The following UBE3D variants were observed in gnomAD, a reference collection of about 807,000 sequenced individuals.
UBE3D encodes the protein ubiquitin protein ligase E3D, also known as E3 ubiquitin-protein ligase E3D.
UBE3D carries 48 observed loss-of-function variants against 49.6 expected under a neutral mutation model. That is an observed-to-expected ratio of 0.97 (90% CI 0.77 to 1.23). UBE3D has a LOEUF of 1.23. Among genes scored for constraint, UBE3D ranks in the 50% most tolerant of loss-of-function variants. The pLI is 0.00. For synonymous variants in UBE3D, 189 were observed against 174.2 expected, an observed-to-expected ratio of 1.08 and a Z score of -0.67; for missense variants, 452 against 468.4, an observed-to-expected ratio of 0.96 and a Z score of 0.32.
At chr6:83,001,929 C>G (rs1022281353) in intron 8 of UBE3D, among the ~76,000 whole-genome samples, 9 of 150,786 alleles carry the variant, frequency 6.0e-5, no homozygotes, top group African/African-American at 2.0e-4. Flanking sequence ...CACAGTGATT[C>G]TTAATTTTTT....
chr6:82,918,407 G>A (rs757889946), intron 9 of UBE3D, among the ~76,000 whole-genome samples: 2 of 152,000 alleles, frequency 1.3e-5, no homozygotes, highest in Non-Finnish European at 2.9e-5. Flanking sequence ...AAAGGTACAA[G>A]GTTTCTAAAG....
intron 8 of UBE3D, among the ~76,000 whole-genome samples, chr6:82,986,893 T>C (rs1025820436): frequency 1.1e-4 from 17 of 150,538 alleles, no homozygotes; most frequent in Non-Finnish European, 2.1e-4. Context: ...ATTATACATA[T>C]GTATAATAGC....
chr6:83,031,383 G>C (rs959236041), intron 5 of UBE3D, among the ~76,000 whole-genome samples: 1 of 152,176 alleles, frequency 6.6e-6, no homozygotes, highest in Non-Finnish European at 1.5e-5. Context: ...TTTGTAGCTG[G>C]ACGATTAGGT....
At chr6:83,026,936 G>C (rs1350407290) in intron 5 of UBE3D, among the ~76,000 whole-genome samples, 1 of 152,064 alleles carries the variant, frequency 6.6e-6, no homozygotes, top group Non-Finnish European at 1.5e-5. Flanking sequence ...TCCCAAAGCA[G>C]AAGTGACCCT....
chr6:82,939,041 G>A (rs1204445600), intron 9 of UBE3D, among the ~76,000 whole-genome samples: 1 of 151,460 alleles, frequency 6.6e-6, no homozygotes, highest in Non-Finnish European at 1.5e-5. Context: ...GTGACCGAGT[G>A]AGACTGGACA....
At chr6:83,043,913 C>T (rs1342862662) in intron 4 of UBE3D, among the ~76,000 whole-genome samples, 2 of 152,182 alleles carry the variant, frequency 1.3e-5, no homozygotes, top group Non-Finnish European at 2.9e-5. Context: ...CTGTCAAGCA[C>T]CAACTCAGAC....
intron 9 of UBE3D, among the ~76,000 whole-genome samples, chr6:82,903,653 T>C (rs1236436034): frequency 2.0e-5 from 3 of 152,118 alleles, no homozygotes; most frequent in African/African-American, 4.8e-5. Flanking sequence ...CCTTTGAAAA[T>C]ATACTTAAGA....
intron 2 of UBE3D, among the ~76,000 whole-genome samples, chr6:83,056,583 C>G (rs888714619): frequency 6.6e-6 from 1 of 152,166 alleles, no homozygotes; most frequent in Admixed American, 6.5e-5. Context: ...TTTCCCTACC[C>G]TTTGTTCCTA....
At chr6:82,965,189 A>G (rs1776823911) in intron 8 of UBE3D, among the ~76,000 whole-genome samples, 1 of 152,218 alleles carries the variant, frequency 6.6e-6, no homozygotes, top group Admixed American at 6.5e-5. Context: ...TCAAAATTAA[A>G]TGTATTACTT....
intron 1 of UBE3D, among the ~76,000 whole-genome samples, chr6:83,063,849 A>C (rs1784331378): frequency 6.6e-6 from 1 of 152,250 alleles, no homozygotes; most frequent in Non-Finnish European, 1.5e-5. Flanking sequence ...TAACATGCAC[A>C]TCTATCCTAT....
In UBE3D at chr6:82,898,071, T is replaced by C. The variant is rs529614886; in HGVS notation, c.1150-5029A>G. ...GACACTGATGTAGCCAACAAACATA[T>C]GAGAAAAAGCTCATCATCACTGGTC... is the stretch of plus-strand genomic sequence containing the variant. On this transcript the variant is annotated intron_variant, in intron 9 of 9. Coordinates refer to ENST00000369747, the MANE Select transcript of UBE3D (RefSeq NM_198920.3). Among the ~76,000 whole-genome samples the C allele has an allele frequency of 4.6e-5, 7 of 152,140 alleles. 1 individual carries two copies. The South Asian group carries it at 1.2e-3, about 27-fold the overall frequency.
At chr6:82,972,416 C>T (rs992393745) in intron 8 of UBE3D, among the ~76,000 whole-genome samples, 18 of 152,054 alleles carry the variant, frequency 1.2e-4, no homozygotes, top group Non-Finnish European at 2.2e-4. Context: ...GAATTCTGTC[C>T]CTCCCTCCAT....
At chr6:83,050,006 C>A (rs1783359849) in intron 3 of UBE3D, among the ~76,000 whole-genome samples, 1 of 151,988 alleles carries the variant, frequency 6.6e-6, no homozygotes, top group Non-Finnish European at 1.5e-5. Context: ...AGAAAAACTG[C>A]TAATCTGGTA....
chr6:83,023,163 CCAT>C (rs1389200451), intron 6 of UBE3D, among the ~76,000 whole-genome samples: 1 of 152,082 alleles, frequency 6.6e-6, no homozygotes, highest in Admixed American at 6.5e-5. Flanking sequence ...TGACTAAGTA[CCAT>C]GTTTTTAAAA....
intron 9 of UBE3D, among the ~76,000 whole-genome samples, chr6:82,922,665 G>GCACGGGTAAAATCTT: frequency 6.6e-6 from 1 of 150,780 alleles, no homozygotes; most frequent in Middle Eastern, 3.4e-3. Flanking sequence ...CAGGACATAG[G>GCACGGGTAAAATCTT]CATGTCTAAA....
At chr6:82,948,602 T>C (rs562832712) in intron 9 of UBE3D, among the ~76,000 whole-genome samples, 2 of 152,034 alleles carry the variant, frequency 1.3e-5, no homozygotes, top group South Asian at 2.1e-4. Context: ...AGAATATTGA[T>C]TTAGAATTAT....
intron 9 of UBE3D, among the ~76,000 whole-genome samples, chr6:82,898,185 G>A (rs1771469826): frequency 6.6e-6 from 1 of 152,248 alleles, no homozygotes; most frequent in South Asian, 2.1e-4. Flanking sequence ...AACAACAGAT[G>A]CTGGAGAGGA....
intron 9 of UBE3D, among the ~76,000 whole-genome samples, chr6:82,953,842 T>C (rs1348245187): frequency 6.6e-6 from 1 of 152,080 alleles, no homozygotes; most frequent in Non-Finnish European, 1.5e-5. Flanking sequence ...TACAGAGTAA[T>C]GGTGATGTGA....
intron 3 of UBE3D, among the ~76,000 whole-genome samples, chr6:83,048,142 A>C (rs2127829268): frequency 6.6e-6 from 1 of 151,682 alleles, no homozygotes; most frequent in African/African-American, 2.4e-5. Flanking sequence ...GTGATCAGTA[A>C]CGGCAGGTCC....
Sources: allele counts gnomAD v4.1 joint callset (sites outside exome capture counted in the v4.1 genomes callset), GRCh38; gene constraint gnomAD v4.1.1; transcripts MANE v1.5; gene names NCBI Gene and HGNC (gene_info 2026-07-23, HGNC 2026-07-21).